Variants in B3GALT1 observed in about 807,000 individuals in gnomAD.
B3GALT1 encodes the protein UDP-Gal:betaGlcNAc beta 1,3-galactosyltransferase, polypeptide 1.
B3GALT1 carries 10 observed loss-of-function variants against 23.2 expected under a neutral mutation model. The ratio of observed to expected loss-of-function variants is 0.43; its 90% CI spans 0.27 to 0.73. B3GALT1 has a LOEUF of 0.73. Ranked by LOEUF, B3GALT1 falls within the 30% of genes least tolerant of loss-of-function variation. B3GALT1 has a pLI of 0.21. For missense variants in B3GALT1, 299 were observed against 405.4 expected (o/e 0.74, Z 2.25); for synonymous variants, 156 against 141.5 (o/e 1.10, Z -0.73).
chr2:167,435,742 A>T (rs980843170), intron 1 of B3GALT1, among the ~76,000 whole-genome samples: 2 of 152,160 alleles, frequency 1.3e-5, no homozygotes, highest in Non-Finnish European at 2.9e-5. Flanking sequence ...TTTTGAGTTT[A>T]GTTTCATTGT....
chr2:167,516,093 C>T (rs1003196796), intron 2 of B3GALT1, among the ~76,000 whole-genome samples: 1 of 151,964 alleles, frequency 6.6e-6, no homozygotes, highest in Non-Finnish European at 1.5e-5. Context: ...TTTTTAGACA[C>T]GCCTCCCCCA....
intron 2 of B3GALT1, among the ~76,000 whole-genome samples, chr2:167,597,654 C>T (rs1377626321): frequency 6.6e-6 from 1 of 152,282 alleles, no homozygotes; most frequent in Non-Finnish European, 1.5e-5. Context: ...TGTTGCCTGA[C>T]ACATGAATTA....
chr2:167,800,698 CAA>C (rs1224067433), intron 3 of B3GALT1, among the ~76,000 whole-genome samples: 1 of 152,124 alleles, frequency 6.6e-6, no homozygotes, highest in Non-Finnish European at 1.5e-5. Flanking sequence ...TTCAGTTTCA[CAA>C]AAGAGAGGTT....
chr2:167,544,844 G>A (rs879899336), intron 2 of B3GALT1, among the ~76,000 whole-genome samples: 3 of 152,034 alleles, frequency 2.0e-5, no homozygotes, highest in Non-Finnish European at 2.9e-5. Flanking sequence ...GTGGTCTCAC[G>A]GGCTTCAAGG....
intron 1 of B3GALT1, among the ~76,000 whole-genome samples, chr2:167,451,005 T>C (rs962345821): frequency 1.2e-4 from 18 of 152,060 alleles, no homozygotes; most frequent in Non-Finnish European, 7.4e-5. Context: ...TTCCAGAACA[T>C]TTTGCATTTC....
chr2:167,374,379 A>G (rs1032565371), intron 1 of B3GALT1, among the ~76,000 whole-genome samples: 5 of 152,224 alleles, frequency 3.3e-5, no homozygotes, highest in Non-Finnish European at 7.3e-5. Context: ...GTGTATATCC[A>G]GTAATGGGAT....
intron 4 of B3GALT1, among the ~76,000 whole-genome samples, chr2:167,855,017 G>A (rs1239774091): frequency 5.9e-5 from 9 of 152,116 alleles, no homozygotes; most frequent in African/African-American, 2.2e-4. Flanking sequence ...TTACTGATTT[G>A]GCTTTGTAGA....
At chr2:167,529,921 T>C (rs1282446920) in intron 2 of B3GALT1, among the ~76,000 whole-genome samples, 1 of 152,026 alleles carries the variant, frequency 6.6e-6, no homozygotes, top group Admixed American at 6.6e-5. Context: ...AAATCATAAC[T>C]CAGATTATGT....
intron 3 of B3GALT1, among the ~76,000 whole-genome samples, chr2:167,780,461 C>T (rs1035746524): frequency 3.3e-5 from 5 of 152,206 alleles, no homozygotes; most frequent in East Asian, 1.9e-4. Flanking sequence ...GCATCTATAA[C>T]ACTTGTTCAT....
intron 3 of B3GALT1, among the ~76,000 whole-genome samples, chr2:167,752,441 TGAG>T (rs1687752920): frequency 6.6e-6 from 1 of 152,054 alleles, no homozygotes; most frequent in Admixed American, 6.6e-5. Flanking sequence ...TTTGTAGCCA[TGAG>T]GAGACCTACG....
chr2:167,508,314 G>C (rs1699953457), intron 2 of B3GALT1, among the ~76,000 whole-genome samples: 1 of 147,546 alleles, frequency 6.8e-6, no homozygotes, highest in African/African-American at 2.5e-5. Context: ...CTGGAGTGCA[G>C]TGGCAGTGAT....
At chr2:167,563,446 G>A (rs567302231) in intron 2 of B3GALT1, among the ~76,000 whole-genome samples, 44 of 128,732 alleles carry the variant, frequency 3.4e-4, no homozygotes, top group Non-Finnish European at 5.9e-4. Context: ...AGGGGCGGCT[G>A]GCCAGGCAGA....
intron 4 of B3GALT1, among the ~76,000 whole-genome samples, chr2:167,842,405 G>A (rs768098757): frequency 3.9e-5 from 6 of 152,134 alleles, no homozygotes; most frequent in African/African-American, 1.4e-4. Context: ...ATCAGTTTCT[G>A]TAGAATGTAT....
At chr2:167,544,139 A>G (rs144655635) in intron 2 of B3GALT1, among the ~76,000 whole-genome samples, 163 of 152,328 alleles carry the variant, frequency 1.1e-3, no homozygotes, top group African/African-American at 3.7e-3. Context: ...TTAGAGCTCA[A>G]TGGTCAGACC....
At chr2:167,550,967 C>T (rs1683733285) in intron 2 of B3GALT1, among the ~76,000 whole-genome samples, 1 of 152,160 alleles carries the variant, frequency 6.6e-6, no homozygotes, top group African/African-American at 2.4e-5. Flanking sequence ...GACCCCGTTC[C>T]TTCAATCTAG....
At chr2:167,482,816 G>A (rs1391026289) in intron 1 of B3GALT1, among the ~76,000 whole-genome samples, 2 of 151,942 alleles carry the variant, frequency 1.3e-5, no homozygotes, top group East Asian at 3.9e-4. Flanking sequence ...CTCCAGCCTG[G>A]GCAACAGAGC....
chr2:167,464,439 A>G (rs1264748687), intron 1 of B3GALT1, among the ~76,000 whole-genome samples: 1 of 152,212 alleles, frequency 6.6e-6, no homozygotes, highest in Non-Finnish European at 1.5e-5. Flanking sequence ...GATCAACTGA[A>G]AGTTTCATGA....
intron 2 of B3GALT1, among the ~76,000 whole-genome samples, chr2:167,491,831 A>G (rs759011619): frequency 1.3e-5 from 2 of 151,806 alleles, no homozygotes; most frequent in African/African-American, 2.4e-5. Context: ...AAAAAAAGTG[A>G]TTTTATGTTT....
intron 3 of B3GALT1, among the ~76,000 whole-genome samples, chr2:167,700,113 A>C (rs1686855225): frequency 1.3e-5 from 2 of 152,144 alleles, no homozygotes; most frequent in Non-Finnish European, 2.9e-5. Flanking sequence ...ATCCAGGCGC[A>C]ATGGTACACA....
Sources: allele counts gnomAD v4.1 joint callset (sites outside exome capture counted in the v4.1 genomes callset), GRCh38; gene constraint gnomAD v4.1.1; transcripts MANE v1.5; gene names NCBI Gene and HGNC (gene_info 2026-07-23, HGNC 2026-07-21).